Variants in MCPH1 observed in about 807,000 individuals in gnomAD.
MCPH1 encodes the protein microcephalin 1.
Under a neutral mutation model 84.5 loss-of-function variants are expected in MCPH1, and 104 were observed. The ratio of observed to expected loss-of-function variants is 1.23; its 90% CI spans 1.05 to 1.45. The LOEUF is 1.45. Among genes scored for constraint, MCPH1 ranks in the 40% most tolerant of loss-of-function variants. The probability of loss-of-function intolerance (pLI) is 0.00; values close to 1 mark genes in which losing one functional copy is unlikely to be tolerated. For missense variants in MCPH1, 1,498 were observed against 1,005.7 expected, an observed-to-expected ratio of 1.49 and a Z score of -6.62; for synonymous variants, 514 against 366.8, an observed-to-expected ratio of 1.40 and a Z score of -4.58.
chr8:6,496,313 A>G (rs1211099488), intron 11 of MCPH1, among the ~76,000 whole-genome samples: 2 of 152,190 alleles, frequency 1.3e-5, no homozygotes, highest in African/African-American at 4.8e-5. Context: ...CTGATCTGAC[A>G]GGAGGTGGAG....
chr8:6,418,591 A>C (rs1043599685), intron 3 of MCPH1, among the ~76,000 whole-genome samples: 1 of 148,978 alleles, frequency 6.7e-6, no homozygotes, highest in Non-Finnish European at 1.5e-5. Flanking sequence ...TTATTTTATC[A>C]TTTTTTTTTT....
chr8:6,410,989 C>A (rs1798457382), intron 2 of MCPH1, among the ~76,000 whole-genome samples: 1 of 152,130 alleles, frequency 6.6e-6, no homozygotes, highest in South Asian at 2.1e-4. Flanking sequence ...ATTCGGGAGG[C>A]TGAGGCAGGA....
At chr8:6,601,366 C>G (rs560912751) in intron 12 of MCPH1, among the ~76,000 whole-genome samples, 1 of 152,222 alleles carries the variant, frequency 6.6e-6, no homozygotes, top group East Asian at 1.9e-4. Context: ...TTAAACTGCC[C>G]TCCTCCTCTT....
intron 12 of MCPH1, among the ~76,000 whole-genome samples, chr8:6,516,801 A>C (rs1279714572): frequency 6.6e-6 from 1 of 152,180 alleles, no homozygotes; most frequent in African/African-American, 2.4e-5. Context: ...AATTACTGCT[A>C]TGAAGTTACC....
intron 12 of MCPH1, among the ~76,000 whole-genome samples, chr8:6,512,730 A>C (rs1475038865): frequency 6.6e-6 from 1 of 152,124 alleles, no homozygotes; most frequent in East Asian, 1.9e-4. Flanking sequence ...CTCTACTCTC[A>C]TGGCATTTTA....
intron 12 of MCPH1, among the ~76,000 whole-genome samples, chr8:6,529,409 A>G (rs947016146): frequency 1.3e-5 from 2 of 151,888 alleles, no homozygotes; most frequent in African/African-American, 4.8e-5. Flanking sequence ...GAGTGGGTAC[A>G]TAATTCAGTT....
At chr8:6,541,234 T>A (rs1310526550) in intron 12 of MCPH1, among the ~76,000 whole-genome samples, 1 of 152,174 alleles carries the variant, frequency 6.6e-6, no homozygotes, top group East Asian at 1.9e-4. Flanking sequence ...CAGCAGGGGA[T>A]GCTTTGAGGC....
intron 12 of MCPH1, among the ~76,000 whole-genome samples, chr8:6,615,361 C>G (rs1486177352): frequency 2.0e-5 from 3 of 152,200 alleles, no homozygotes; most frequent in Non-Finnish European, 4.4e-5. Flanking sequence ...AAGACCATGT[C>G]CCTGCATTTT....
intron 2 of MCPH1, among the ~76,000 whole-genome samples, chr8:6,410,365 G>A (rs530672428): frequency 1.3e-5 from 2 of 152,128 alleles, no homozygotes; most frequent in Non-Finnish European, 2.9e-5. Flanking sequence ...AGAAAAATAG[G>A]ATGGGCAAAT....
chr8:6,462,207 T>C (rs1806369131), intron 9 of MCPH1, among the ~76,000 whole-genome samples: 1 of 152,240 alleles, frequency 6.6e-6, no homozygotes, highest in African/African-American at 2.4e-5. Context: ...AATGCTTAAA[T>C]TCCTGAAAGT....
chr8:6,520,872 A>C (rs1817199568), intron 12 of MCPH1, among the ~76,000 whole-genome samples: 1 of 152,234 alleles, frequency 6.6e-6, no homozygotes, highest in Non-Finnish European at 1.5e-5. Flanking sequence ...GTAAAACCTA[A>C]ATAAATGAAT....
rs1324687042 is a variant in MCPH1, at chr8:6,604,099, G to GAGA, written c.2215-17355_2215-17354insAGA. ...CAGGCACACTCTGCTGGTGGCCTCT[G>GAGA]GATGGGGACTGGAGCCTGATCTTGG... On this transcript the variant is annotated intron_variant, in intron 12 of 13. Coordinates refer to ENST00000344683, the MANE Select transcript of MCPH1 (RefSeq NM_024596.5). Among the ~76,000 whole-genome samples, 20 of 151,474 alleles carry GAGA rather than the reference G, an allele frequency of 1.3e-4. No homozygotes were observed. In the East Asian group the frequency reaches 3.5e-3, roughly 27 times the overall value.
intron 3 of MCPH1, among the ~76,000 whole-genome samples, chr8:6,418,009 A>G (rs960308135): frequency 6.6e-6 from 1 of 152,200 alleles, no homozygotes; most frequent in Non-Finnish European, 1.5e-5. Context: ...AGTTGCTTAG[A>G]TGCGCCCTTT....
chr8:6,505,246 ATTCTT>A (rs370170249), intron 12 of MCPH1, among the ~76,000 whole-genome samples: 4,686 of 92,722 alleles, frequency 0.051, 968 homozygotes, highest in African/African-American at 0.13. Flanking sequence ...TAGAATATAT[ATTCTT>A]TATATATGTT....
At chr8:6,523,713 C>A (rs1330100405) in intron 12 of MCPH1, among the ~76,000 whole-genome samples, 1 of 152,096 alleles carries the variant, frequency 6.6e-6, no homozygotes, top group East Asian at 1.9e-4. Context: ...CCTCAGCCTC[C>A]TGAGTAGTTA....
In MCPH1 at chr8:6,639,681, C is replaced by G. The variant is rs1012698388; in HGVS notation, c.2453-3313C>G. Among the ~76,000 whole-genome samples, 82 of 149,320 alleles carry G rather than the reference C, an allele frequency of 5.5e-4. 1 individual carries two copies. The highest frequency in any genetic ancestry group is 1.9e-3 in the African/African-American group (77 of 40,706). On this transcript the variant is annotated intron_variant, in intron 13 of 13. Coordinates refer to ENST00000344683, the MANE Select transcript of MCPH1 (RefSeq NM_024596.5). ...CTGTCTCTTTAAAAAAAAAAAAAAACATATTTACATAGAAATAAATGTATA... is the reference window on the plus strand; with the variant it reads ...CTGTCTCTTTAAAAAAAAAAAAAAAGATATTTACATAGAAATAAATGTATA...
At chr8:6,549,497 C>A (rs189959185) in intron 12 of MCPH1, among the ~76,000 whole-genome samples, 1 of 151,826 alleles carries the variant, frequency 6.6e-6, no homozygotes, top group East Asian at 1.9e-4. Flanking sequence ...GGGTGGGAAG[C>A]CTTCTGTATC....
intron 12 of MCPH1, among the ~76,000 whole-genome samples, chr8:6,577,983 G>A (rs1207011315): frequency 6.6e-6 from 1 of 152,218 alleles, no homozygotes; most frequent in Non-Finnish European, 1.5e-5. Context: ...GATCCTGTGA[G>A]ACAGCGGGAT....
At chr8:6,480,351 C>T (rs1013197354) in intron 10 of MCPH1, among the ~76,000 whole-genome samples, 1 of 151,962 alleles carries the variant, frequency 6.6e-6, no homozygotes, top group Admixed American at 6.6e-5. Context: ...ATCTTGAACT[C>T]CTGGTGATCC....
Sources: gnomAD v4.1 joint callset for allele counts (sites outside exome capture counted in the v4.1 genomes callset) on GRCh38, gnomAD v4.1.1 for gene constraint, MANE v1.5 for transcripts, NCBI Gene and HGNC (gene_info 2026-07-23, HGNC 2026-07-21) for gene names.